Variants in CLINT1 observed in about 807,000 individuals in gnomAD.
The protein encoded by CLINT1 is clathrin interactor 1, also known as clathrin interacting protein localized in the trans-Golgi region.
In CLINT1, 15 loss-of-function variants were observed where a neutral mutation model predicts 70.4. That is an observed-to-expected ratio of 0.21 (90% CI 0.14 to 0.33). CLINT1 has a LOEUF of 0.33. CLINT1 is among the 10% of genes least tolerant of loss of function. The pLI, the probability that CLINT1 is intolerant of heterozygous loss-of-function variation, is 1.00. For missense variants in CLINT1, 615 were observed against 778.1 expected (o/e 0.79, Z 2.49); for synonymous variants, 227 against 254.7 (o/e 0.89, Z 1.04).
At chr5:157,837,329 T>G (rs1413768712) in intron 1 of CLINT1, among the ~76,000 whole-genome samples, 1 of 152,082 alleles carries the variant, frequency 6.6e-6, no homozygotes. Context: ...TGGGCTAGAT[T>G]GTGCCACTGC....
chr5:157,829,104 A>T (rs1763135812), intron 1 of CLINT1, among the ~76,000 whole-genome samples: 1 of 150,642 alleles, frequency 6.6e-6, no homozygotes, highest in Non-Finnish European at 1.5e-5. Flanking sequence ...TCTGCCTCAA[A>T]CAACAACAAC....
chr5:157,788,136 T>C, intron 11 of CLINT1, 144 bp from the exon 12 acceptor site: 1 of 723,694 alleles, frequency 1.4e-6, no homozygotes, highest in Non-Finnish European at 2.4e-6. Context: ...TAGAAATCAA[T>C]TACTCTGCAC....
intron 6 of CLINT1, among the ~76,000 whole-genome samples, chr5:157,806,926 T>C (rs1488193907): frequency 6.6e-6 from 1 of 151,868 alleles, no homozygotes; most frequent in African/African-American, 2.4e-5. Context: ...GTCTGTTCTC[T>C]AGTAACAAGT....
At chr5:157,841,864 CA>C (rs1753191708) in intron 1 of CLINT1, among the ~76,000 whole-genome samples, 1 of 152,104 alleles carries the variant, frequency 6.6e-6, no homozygotes, top group African/African-American at 2.4e-5. Flanking sequence ...CTTCTGGGCT[CA>C]ACAAATCCTC....
chr5:157,790,812 G>A (rs530291846), intron 10 of CLINT1, among the ~76,000 whole-genome samples: 63 of 152,294 alleles, frequency 4.1e-4, no homozygotes, highest in African/African-American at 1.4e-3. Flanking sequence ...CTATAAAATA[G>A]TGAATTAAGA....
intron 6 of CLINT1, among the ~76,000 whole-genome samples, chr5:157,807,435 G>A (rs945146091): frequency 6.6e-6 from 1 of 152,008 alleles, no homozygotes; most frequent in Non-Finnish European, 1.5e-5. Flanking sequence ...ATATAAATCT[G>A]ACTAGCACAC....
At chr5:157,846,045 C>T (rs1221953233) in intron 1 of CLINT1, among the ~76,000 whole-genome samples, 1 of 152,168 alleles carries the variant, frequency 6.6e-6, no homozygotes, top group Non-Finnish European at 1.5e-5. Flanking sequence ...TCTCCCTCTC[C>T]TCTGGCATCT....
At chr5:157,796,686 A>G (rs1398849485) in intron 8 of CLINT1, among the ~76,000 whole-genome samples, 1 of 152,166 alleles carries the variant, frequency 6.6e-6, no homozygotes, top group Non-Finnish European at 1.5e-5. Flanking sequence ...ATTCTGCCCC[A>G]TCTGCTACAC....
intron 1 of CLINT1, among the ~76,000 whole-genome samples, chr5:157,845,557 T>TC (rs1265992003): frequency 6.7e-6 from 1 of 150,036 alleles, no homozygotes; most frequent in Non-Finnish European, 1.5e-5. Flanking sequence ...TTTAGTATTT[T>TC]TTTTTTTTTT....
intron 1 of CLINT1, among the ~76,000 whole-genome samples, chr5:157,833,844 G>C (rs1763327342): frequency 6.6e-6 from 1 of 152,102 alleles, no homozygotes; most frequent in Admixed American, 6.5e-5. Context: ...AGGAGGCTGA[G>C]GTGGGAGGAT....
rs1454674081 is a variant in CLINT1, at chr5:157,786,793, T to C, written c.*853A>G. On this transcript the variant is annotated 3_prime_UTR_variant, in exon 12 of 12. Coordinates refer to ENST00000411809, the MANE Select transcript of CLINT1 (RefSeq NM_014666.4). ...AAAAAAAAAATAAAATAAATATTTT[T>C]CTGACTGTTCCTGACTTAAATGATG... 8 of 152,302 alleles carry C rather than the reference T, an allele frequency of 5.3e-5. No individual in the cohort carries two copies. The highest frequency in any genetic ancestry group is 1.3e-4 in the Admixed American group (2 of 15,276). The allele number at this position is 152,302 out of a possible 1,614,324, so 9.4% of individuals were successfully genotyped here.
chr5:157,799,351 A>G (rs1242518353), intron 8 of CLINT1, among the ~76,000 whole-genome samples: 1 of 152,178 alleles, frequency 6.6e-6, no homozygotes, highest in African/African-American at 2.4e-5. Flanking sequence ...TCAACTAACT[A>G]GCGATTACTG....
At chr5:157,800,570 A>G (rs978279266) in intron 8 of CLINT1, among the ~76,000 whole-genome samples, 1 of 152,174 alleles carries the variant, frequency 6.6e-6, no homozygotes, top group Non-Finnish European at 1.5e-5. Context: ...AGCTGCACAA[A>G]CTGGTTAAAC....
At position 157,809,926 on chromosome 5, in the gene CLINT1, C is replaced by G; in HGVS notation, c.518-121G>C. The G allele has an allele frequency of 3.2e-6, 3 of 933,022 alleles. No individual in the cohort carries two copies. In the Admixed American group the frequency reaches 8.9e-5, roughly 28 times the overall value. 57.8% of individuals were successfully genotyped at this position (933,022 alleles called of 1,614,324 possible). A position where few individuals can be genotyped will look rare whatever the true frequency, so the allele number is the denominator to read the frequency against. On this transcript the variant is annotated intron_variant, in intron 5 of 11. Transcript: ENST00000411809. ...ATCATTTTCAAAGGAAAACAGAAAG[C>G]TCCCACAGTGCTGAATCAACACAAT...
At chr5:157,806,729 C>T (rs1357516198) in intron 6 of CLINT1, among the ~76,000 whole-genome samples, 2 of 152,118 alleles carry the variant, frequency 1.3e-5, no homozygotes, top group Non-Finnish European at 2.9e-5. Context: ...GGAGATCAAA[C>T]TTTTATATAA....
chr5:157,818,867 G>C (rs1276512271), intron 1 of CLINT1, among the ~76,000 whole-genome samples: 2 of 152,150 alleles, frequency 1.3e-5, no homozygotes, highest in African/African-American at 2.4e-5. Flanking sequence ...ACATCCTATA[G>C]TAGTATTCAT....
At chr5:157,851,686 C>CAAAAAA (rs34229522) in intron 1 of CLINT1, among the ~76,000 whole-genome samples, 5 of 88,880 alleles carry the variant, frequency 5.6e-5, no homozygotes, top group African/African-American at 3.9e-5. Flanking sequence ...GACCCCGTCT[C>CAAAAAA]AAAAAAAAAA....
chr5:157,824,320 T>C (rs1387525395), intron 1 of CLINT1, among the ~76,000 whole-genome samples: 1 of 152,220 alleles, frequency 6.6e-6, no homozygotes, highest in African/African-American at 2.4e-5. Flanking sequence ...TATATTTCAT[T>C]ACAGTCCTGT....
intron 4 of CLINT1, among the ~76,000 whole-genome samples, chr5:157,813,627 G>C (rs1762626066): frequency 6.6e-6 from 1 of 152,156 alleles, no homozygotes; most frequent in African/African-American, 2.4e-5. Context: ...TAACTGAAAA[G>C]CACACAAATG....
Sources: gnomAD v4.1 joint callset for allele counts (sites outside exome capture counted in the v4.1 genomes callset) on GRCh38, gnomAD v4.1.1 for gene constraint, MANE v1.5 for transcripts, NCBI Gene and HGNC (gene_info 2026-07-23, HGNC 2026-07-21) for gene names.